Variants in MAK observed in about 807,000 individuals in gnomAD.
MAK encodes serine/threonine-protein kinase MAK.
In MAK, 65 loss-of-function variants were observed where a neutral mutation model predicts 82.6. The ratio of observed to expected loss-of-function variants is 0.79; its 90% CI spans 0.64 to 0.97. The LOEUF (loss-of-function observed/expected upper bound fraction) is 0.97, where lower values mean the gene tolerates loss of function less well. Among genes scored for constraint, MAK ranks in the 50% least tolerant of loss-of-function variants. MAK has a pLI of 0.00. For synonymous variants in MAK, 250 were observed against 274.2 expected, an observed-to-expected ratio of 0.91 and a Z score of 0.87; for missense variants, 703 against 780.2, an observed-to-expected ratio of 0.90 and a Z score of 1.18.
intron 3 of MAK, among the ~76,000 whole-genome samples, chr6:10,818,295 G>A (rs1777647374): frequency 6.6e-6 from 1 of 152,172 alleles, no homozygotes; most frequent in Admixed American, 6.5e-5. Context: ...AAAATCTAAG[G>A]AAATGGTATG....
At chr6:10,796,529 G>C (rs1254350444) in intron 8 of MAK, among the ~76,000 whole-genome samples, 1 of 152,170 alleles carries the variant, frequency 6.6e-6, no homozygotes, top group Non-Finnish European at 1.5e-5. Flanking sequence ...AAAGTGGCTG[G>C]GCATGGTGGC....
In MAK at chr6:10,817,830, A is replaced by G; in HGVS notation, c.278+20T>C. 3 of 1,471,896 alleles carry G rather than the reference A, an allele frequency of 2.0e-6. No individual in the cohort carries two copies. In the East Asian group the frequency reaches 7.4e-5, roughly 36 times the overall value. The allele number at this position is 1,471,896 out of a possible 1,614,324, so 91.2% of individuals were successfully genotyped here. On this transcript the variant is annotated intron_variant, in intron 4 of 14. Coordinates refer to ENST00000354489, the MANE Select transcript of MAK (RefSeq NM_001242957.3). ...AACTCATGGAGAGAATAACAGGGAA[A>G]AACATGAATAAAAACATACCTGTCT...
Position 10,763,154 on chromosome 6 carries a change from T to C in MAK, c.*1298A>G, listed in dbSNP as rs1412932765. 1 of 152,616 alleles carries C rather than the reference T, an allele frequency of 6.6e-6. No individual in the cohort carries two copies. The highest frequency in any genetic ancestry group is 1.5e-5 in the Non-Finnish European group (1 of 68,042). 9.5% of individuals were successfully genotyped at this position (152,616 alleles called of 1,614,324 possible). On this transcript the variant is annotated 3_prime_UTR_variant, in exon 15 of 15. Coordinates refer to ENST00000354489, the MANE Select transcript of MAK (RefSeq NM_001242957.3). ...TTGGAAATAAACTAAGGAAATAATATATGTACTATGTGATATCACTGCCCC... is the reference window on the plus strand; with the variant it reads ...TTGGAAATAAACTAAGGAAATAATACATGTACTATGTGATATCACTGCCCC...
chr6:10,786,251 A>C (rs1203036903), intron 10 of MAK, among the ~76,000 whole-genome samples: 1 of 152,184 alleles, frequency 6.6e-6, no homozygotes, highest in Non-Finnish European at 1.5e-5. Context: ...TCTCAATCAT[A>C]ATAATAATTT....
At position 10,781,630 on chromosome 6, in the gene MAK, G is replaced by T. The variant is rs147614634; in HGVS notation, c.1465+2794C>A. ...GTAGAGACAGGGTTTTGCCATGTTGGACAGGCTAGTCTCGAACTCCTGACT... is the reference window on the plus strand; with the variant it reads ...GTAGAGACAGGGTTTTGCCATGTTGTACAGGCTAGTCTCGAACTCCTGACT... On this transcript the variant is annotated intron_variant, in intron 11 of 14. Transcript: ENST00000354489. Among the ~76,000 whole-genome samples, 70 of 151,982 alleles carry T rather than the reference G, an allele frequency of 4.6e-4. No individual in the cohort carries two copies. In the East Asian group the frequency reaches 0.013, roughly 28 times the overall value.
At chr6:10,823,233 A>G (rs528114634) in intron 2 of MAK, among the ~76,000 whole-genome samples, 1 of 152,266 alleles carries the variant, frequency 6.6e-6, no homozygotes, top group Non-Finnish European at 1.5e-5. Flanking sequence ...CTGCTTCTCA[A>G]CGTAATTCTG....
intron 14 of MAK, among the ~76,000 whole-genome samples, chr6:10,768,360 T>C (rs146663871): frequency 3.3e-5 from 5 of 152,172 alleles, no homozygotes; most frequent in Non-Finnish European, 5.9e-5. Flanking sequence ...GGTGAATCAT[T>C]TGAGGTCACG....
At chr6:10,832,818 T>C (rs1198438530) in intron 1 of MAK, among the ~76,000 whole-genome samples, 1 of 152,114 alleles carries the variant, frequency 6.6e-6, no homozygotes, top group Admixed American at 6.6e-5. Flanking sequence ...TATTTTTAAA[T>C]TAAGGTATGT....
chr6:10,803,067 A>G (rs1280392907), intron 7 of MAK, among the ~76,000 whole-genome samples: 1 of 152,214 alleles, frequency 6.6e-6, no homozygotes, highest in Non-Finnish European at 1.5e-5. Flanking sequence ...CCACAGAATG[A>G]GCAGGAAAGA....
Position 10,835,413 on chromosome 6 carries a change from C to T in MAK, c.-230+3090G>A, listed in dbSNP as rs188860755. Reference sequence around the variant, plus strand: ...TAGCTGGGATTACAGGCGCGTGCCACCATGCCCGGCTAATTTCTGTATTTT... The same window carrying T: ...TAGCTGGGATTACAGGCGCGTGCCATCATGCCCGGCTAATTTCTGTATTTT... On this transcript the variant is annotated intron_variant, in intron 1 of 14. Transcript: ENST00000354489. Among the ~76,000 whole-genome samples the T allele has an allele frequency of 8.7e-4, 132 of 152,328 alleles. 1 individual carries two copies. The highest frequency in any genetic ancestry group is 3.2e-3 in the African/African-American group (132 of 41,578).
intron 10 of MAK, 55 bp downstream of exon 10, chr6:10,791,620 T>C: frequency 5.3e-6 from 8 of 1,517,746 alleles, no homozygotes; most frequent in Non-Finnish European, 7.3e-6. Context: ...ATTTAATGAG[T>C]AAAATAAAGT....
intron 5 of MAK, among the ~76,000 whole-genome samples, chr6:10,812,546 G>A (rs935166092): frequency 6.6e-5 from 10 of 152,000 alleles, no homozygotes; most frequent in African/African-American, 2.4e-4. Context: ...ACTGCTCCGT[G>A]GGTGCTACAA....
At chr6:10,825,320 G>A (rs918161816) in intron 2 of MAK, among the ~76,000 whole-genome samples, 6 of 152,116 alleles carry the variant, frequency 3.9e-5, no homozygotes, top group African/African-American at 9.7e-5. Context: ...TTCTTGATAC[G>A]TGCTTCTGCT....
At chr6:10,837,195 A>AT (rs545938286) in intron 1 of MAK, among the ~76,000 whole-genome samples, 34 of 152,244 alleles carry the variant, frequency 2.2e-4, no homozygotes, top group Non-Finnish European at 4.0e-4. Context: ...CAAAAGAGTA[A>AT]TTAACGTTTT....
At chr6:10,816,460 A>C (rs1777512181) in intron 4 of MAK, among the ~76,000 whole-genome samples, 1 of 152,126 alleles carries the variant, frequency 6.6e-6, no homozygotes, top group South Asian at 2.1e-4. Flanking sequence ...GGGTATCTTG[A>C]TATTTCATGT....
chr6:10,830,124 C>CGTGTGTGTGTGTGTGTGT (rs35519970), intron 2 of MAK, among the ~76,000 whole-genome samples: 3 of 141,500 alleles, frequency 2.1e-5, no homozygotes, highest in Non-Finnish European at 4.6e-5. Context: ...CCTGTGTGCA[C>CGTGTGTGTGTGTGTGTGT]GTGTGTGTGT....
At chr6:10,828,068 C>T (rs1412514604) in intron 2 of MAK, among the ~76,000 whole-genome samples, 1 of 151,908 alleles carries the variant, frequency 6.6e-6, no homozygotes, top group South Asian at 2.1e-4. Flanking sequence ...TTTTATTAAG[C>T]CTATTCAATT....
At chr6:10,826,395 C>T (rs147125413) in intron 2 of MAK, among the ~76,000 whole-genome samples, 4 of 152,290 alleles carry the variant, frequency 2.6e-5, no homozygotes, top group Non-Finnish European at 5.9e-5. Flanking sequence ...GATGTTGTAA[C>T]TTCTTGAATC....
Position 10,764,626 on chromosome 6 carries a change from G to T in MAK, c.1793-20C>A. 3.1e-6 allele frequency: 5 copies of T among 1,611,834 alleles called. No individual in the cohort carries two copies. The South Asian group carries it at 3.3e-5, about 11-fold the overall frequency. On this transcript the variant is annotated intron_variant, in intron 14 of 14. Transcript: ENST00000354489. ...TATATTCTGAAAGAAATCAGATTTG[G>T]AAAACAGGGTTTTACTCATTTGCTT...
Sources: gnomAD v4.1 joint callset for allele counts (sites outside exome capture counted in the v4.1 genomes callset) on GRCh38, gnomAD v4.1.1 for gene constraint, MANE v1.5 for transcripts, NCBI Gene and HGNC (gene_info 2026-07-23, HGNC 2026-07-21) for gene names.